Variants in MANBAL observed in about 807,000 individuals in gnomAD.
MANBAL encodes the protein mannosidase beta like, also known as protein MANBAL.
Under a neutral mutation model 6.4 loss-of-function variants are expected in MANBAL, and 1 was observed. The observed-to-expected ratio is 0.16, with a 90% CI of 0.06 to 0.74. The LOEUF (loss-of-function observed/expected upper bound fraction) is 0.74, where lower values mean the gene tolerates loss of function less well. Ranked by LOEUF, MANBAL falls within the 30% of genes least tolerant of loss-of-function variation. MANBAL has a pLI of 0.78. For synonymous variants in MANBAL, 47 were observed against 45.8 expected (o/e 1.03, Z -0.10); for missense variants, 100 against 107.8 (o/e 0.93, Z 0.32).
chr20:37,316,636 G>A lies in MANBAL; in HGVS notation c.*221G>A. 1 of 442,068 alleles carries A rather than the reference G, an allele frequency of 2.3e-6. No individual in the cohort carries two copies. The highest frequency in any genetic ancestry group is 4.2e-6 in the Non-Finnish European group (1 of 240,210). The allele number at this position is 442,068 out of a possible 1,614,324, so 27.4% of individuals were successfully genotyped here. ...CTTCTGTGACGGTTTAGAGTCAAGG[G>A]GGCTGAAACACACTGTGAGCATAGA... On this transcript the variant is annotated 3_prime_UTR_variant, in exon 3 of 3. Transcript: ENST00000373606.
Position 37,294,801 on chromosome 20 carries a change from C to G in MANBAL, c.-57+5115C>G, listed in dbSNP as rs2068955551. ...TATGTGTGTATGTGAGTACTTCTAA[C>G]TGAATGGAAACTCCGTGGCAGGGAT... On this transcript the variant is annotated intron_variant, in intron 1 of 2. Coordinates refer to ENST00000373606, the MANE Select transcript of MANBAL (RefSeq NM_001003897.2). Among the ~76,000 whole-genome samples the G allele has an allele frequency of 2.0e-5, 3 of 152,208 alleles. 1 individual carries two copies. The South Asian group carries it at 6.2e-4, about 32-fold the overall frequency.
intron 2 of MANBAL, among the ~76,000 whole-genome samples, chr20:37,309,158 C>G (rs1025715198): frequency 6.6e-6 from 1 of 152,164 alleles, no homozygotes; most frequent in Non-Finnish European, 1.5e-5. Flanking sequence ...ATGTGTCTCT[C>G]TCTCTCCTGG....
chr20:37,298,373 C>T (rs2069048641), intron 1 of MANBAL, among the ~76,000 whole-genome samples: 1 of 152,122 alleles, frequency 6.6e-6, no homozygotes, highest in Non-Finnish European at 1.5e-5. Context: ...AAACTCTGTA[C>T]CCAGTAAACA....
intron 1 of MANBAL, among the ~76,000 whole-genome samples, chr20:37,292,024 G>T (rs772082120): frequency 6.6e-6 from 1 of 152,174 alleles, no homozygotes; most frequent in African/African-American, 2.4e-5. Context: ...ACATACTATC[G>T]ATATGAGTTA....
chr20:37,315,789 G>A (rs999052062), intron 2 of MANBAL, among the ~76,000 whole-genome samples: 7 of 152,248 alleles, frequency 4.6e-5, no homozygotes, highest in African/African-American at 1.7e-4. Context: ...TTGAATGGGA[G>A]GACAAGAATG....
intron 2 of MANBAL, chr20:37,302,434 A>G (rs1028576979): frequency 3.7e-5 from 50 of 1,362,872 alleles, no homozygotes; most frequent in Non-Finnish European, 4.8e-5. Context: ...CGGTGGGTTT[A>G]GGTGGTATCA....
intron 2 of MANBAL, among the ~76,000 whole-genome samples, chr20:37,313,567 G>C (rs981587352): frequency 6.6e-6 from 1 of 150,948 alleles, no homozygotes; most frequent in African/African-American, 2.4e-5. Context: ...TTAGCTGTGC[G>C]TGGTGGCGGG....
Position 37,293,059 on chromosome 20 carries a change from G to T in MANBAL, c.-57+3373G>T, listed in dbSNP as rs114652997. Among the ~76,000 whole-genome samples, 756 of 152,288 alleles carry T rather than the reference G, an allele frequency of 5.0e-3. 10 individuals are homozygous for T. Among genetic ancestry groups the T allele is most frequent in the African/African-American group, 0.018 (729 of 41,542 alleles). ...TAACTGATGTCCAACTCTTATCCATGACTGCATGGATTGTTCTAGCTTGGC... is the reference window on the plus strand; with the variant it reads ...TAACTGATGTCCAACTCTTATCCATTACTGCATGGATTGTTCTAGCTTGGC... On this transcript the variant is annotated intron_variant, in intron 1 of 2. Coordinates refer to ENST00000373606, the MANE Select transcript of MANBAL (RefSeq NM_001003897.2).
chr20:37,309,597 A>G (rs1431414219), intron 2 of MANBAL, among the ~76,000 whole-genome samples: 1 of 152,116 alleles, frequency 6.6e-6, no homozygotes, highest in Non-Finnish European at 1.5e-5. Context: ...CTTCACAACC[A>G]ACCAGAAAGC....
At chr20:37,311,235 A>G (rs886510980) in intron 2 of MANBAL, among the ~76,000 whole-genome samples, 1 of 152,192 alleles carries the variant, frequency 6.6e-6, no homozygotes, top group African/African-American at 2.4e-5. Flanking sequence ...GGGTGCAGGT[A>G]GAGATACAGA....
chr20:37,300,047 C>G (rs2069098034), intron 1 of MANBAL, among the ~76,000 whole-genome samples: 1 of 152,196 alleles, frequency 6.6e-6, no homozygotes, highest in Non-Finnish European at 1.5e-5. Flanking sequence ...GGGGCCTCCT[C>G]CTGGCTCTCC....
chr20:37,301,786 T>C (rs961406349), intron 2 of MANBAL, among the ~76,000 whole-genome samples: 2 of 152,228 alleles, frequency 1.3e-5, no homozygotes, highest in African/African-American at 4.8e-5. Flanking sequence ...GATCTTACCC[T>C]GGGCTGTGGG....
At chr20:37,290,023 C>T (rs920210960) in intron 1 of MANBAL, among the ~76,000 whole-genome samples, 1 of 152,172 alleles carries the variant, frequency 6.6e-6, no homozygotes, top group Admixed American at 6.5e-5. Context: ...GTGAATCTGG[C>T]CAGGGTTCGA....
chr20:37,307,546 C>T (rs1361471217), intron 2 of MANBAL, among the ~76,000 whole-genome samples: 1 of 152,052 alleles, frequency 6.6e-6, no homozygotes, highest in Non-Finnish European at 1.5e-5. Flanking sequence ...CACTTGAGGT[C>T]AGGAGTTCAA....
At chr20:37,302,460 AT>A (rs1426175899) in intron 2 of MANBAL, 2 of 1,084,424 alleles carry the variant, frequency 1.8e-6, no homozygotes, top group African/African-American at 3.2e-5. Flanking sequence ...TCCCTCCATT[AT>A]AAAAATCCGG....
chr20:37,310,188 C>T (rs761856788), intron 2 of MANBAL, among the ~76,000 whole-genome samples: 5 of 152,318 alleles, frequency 3.3e-5, no homozygotes, highest in East Asian at 3.9e-4. Flanking sequence ...TCCTGGACTC[C>T]GTGTCTCCGT....
chr20:37,303,502 A>G (rs1444325545), intron 2 of MANBAL, among the ~76,000 whole-genome samples: 1 of 152,180 alleles, frequency 6.6e-6, no homozygotes, highest in African/African-American at 2.4e-5. Context: ...GTAACTCTTT[A>G]TCTTATGCTG....
intron 1 of MANBAL, among the ~76,000 whole-genome samples, chr20:37,290,633 A>G (rs2068845341): frequency 6.6e-6 from 1 of 151,682 alleles, no homozygotes; most frequent in African/African-American, 2.4e-5. Flanking sequence ...TAATTTTTGT[A>G]TCTTTAGTAA....
At chr20:37,305,930 TGC>T (rs1438435363) in intron 2 of MANBAL, among the ~76,000 whole-genome samples, 2 of 152,158 alleles carry the variant, frequency 1.3e-5, no homozygotes, top group African/African-American at 4.8e-5. Context: ...GAGACTGTGC[TGC>T]TTAGAGGTTG....
Sources: gnomAD v4.1 joint callset for allele counts (sites outside exome capture counted in the v4.1 genomes callset) on GRCh38, gnomAD v4.1.1 for gene constraint, MANE v1.5 for transcripts, NCBI Gene and HGNC (gene_info 2026-07-23, HGNC 2026-07-21) for gene names.